SUGP2: variants seen among roughly 807,000 people sequenced by gnomAD.
The protein encoded by SUGP2 is SURP and G-patch domain containing 2.
Under a neutral mutation model 90.5 loss-of-function variants are expected in SUGP2, and 24 were observed. That is an observed-to-expected ratio of 0.27 (90% confidence interval 0.19 to 0.37). The LOEUF (loss-of-function observed/expected upper bound fraction) is 0.37. SUGP2 is among the 10% of genes least tolerant of loss of function. The probability of loss-of-function intolerance (pLI) is 1.00; values close to 1 mark genes in which losing one functional copy is unlikely to be tolerated. For synonymous variants in SUGP2, 473 were observed against 513.4 expected (o/e 0.92, Z 1.06); for missense variants, 1,233 against 1,363.3 (o/e 0.90, Z 1.51).
intron 3 of SUGP2, 50 bp from the exon 4 acceptor site, chr19:19,019,279 T>C (rs1326475525): frequency 1.9e-6 from 3 of 1,580,226 alleles, no homozygotes; most frequent in Admixed American, 1.7e-5. Context: ...ATGTGGGCTC[T>C]GAGAAGACGA....
At chr19:19,031,151 T>C (rs756539951) in intron 1 of SUGP2, 69 bp from the exon 2 acceptor site, 192 of 1,531,062 alleles carry the variant, frequency 1.3e-4, no homozygotes, top group Non-Finnish European at 1.6e-4. Context: ...CTCATACCTG[T>C]AATCCTGGCA....
chr19:19,020,925 C>T (rs977404509), intron 3 of SUGP2, among the ~76,000 whole-genome samples: 2 of 151,712 alleles, frequency 1.3e-5, no homozygotes, highest in East Asian at 1.9e-4. Context: ...TTTGGGAGGC[C>T]GAGGCGGGTG....
intron 3 of SUGP2, among the ~76,000 whole-genome samples, chr19:19,020,790 T>C (rs1471570303): frequency 2.6e-5 from 4 of 151,916 alleles, no homozygotes; most frequent in African/African-American, 7.2e-5. Context: ...AAATTTACAA[T>C]GCTGCCAGCA....
chr19:19,004,286 A>G lies in SUGP2; in HGVS notation c.2811T>C (p.Pro937=), dbSNP rs758098406. Residue 937 remains proline, a synonymous_variant, in exon 7 of 11, where the codon CCT becomes CCC. Transcript: ENST00000452918. The part of the protein sequence containing the change: ...EAAEDDLAGA[P]ALSQASSGTC... ...TACCTGAGGAGGCCTGTGACAAGGC[A>G]GGTGCTCCAGCCAGGTCGTCCTCGG... 6.2e-7 allele frequency: 1 copy of G among 1,613,932 alleles called. No individual in the cohort carries two copies. Among genetic ancestry groups the G allele is most frequent in the Non-Finnish European group, 8.5e-7 (1 of 1,179,828 alleles).
chr19:19,009,822 G>A, intron 5 of SUGP2, 33 bp downstream of exon 5: 1 of 1,564,620 alleles, frequency 6.4e-7, no homozygotes, highest in Non-Finnish European at 8.7e-7. Flanking sequence ...AGGGACTGGG[G>A]CCCAGAGGAG....
chr19:19,023,413 G>C (rs927925318), intron 3 of SUGP2, among the ~76,000 whole-genome samples: 7 of 152,212 alleles, frequency 4.6e-5, no homozygotes, highest in South Asian at 4.1e-4. Flanking sequence ...CTGCAGCCTT[G>C]AACTCCTGGC....
intron 4 of SUGP2, among the ~76,000 whole-genome samples, chr19:19,017,121 G>A (rs1390496053): frequency 6.6e-6 from 1 of 152,182 alleles, no homozygotes; most frequent in East Asian, 1.9e-4. Context: ...GGAGGTCAAG[G>A]CTGCAGTGGG....
chr19:19,033,526 G>A, upstream of SUGP2: 1 of 1,397,050 alleles, frequency 7.2e-7, no homozygotes, highest in Non-Finnish European at 9.3e-7. Flanking sequence ...ACATGCAAAT[G>A]AACCAACGGT....
intron 4 of SUGP2, among the ~76,000 whole-genome samples, chr19:19,012,613 C>T (rs1028842261): frequency 6.6e-6 from 1 of 152,218 alleles, no homozygotes; most frequent in Admixed American, 6.5e-5. Context: ...GCAGTAGCTA[C>T]TTCATCATAC....
chr19:19,033,309 G>A (rs1221503779), intron 1 of SUGP2, 128 bp downstream of exon 1: 11 of 1,043,130 alleles, frequency 1.1e-5, no homozygotes, highest in Non-Finnish European at 1.2e-5. Context: ...GCGGGGACGC[G>A]GCCGCCGCCG....
intron 4 of SUGP2, among the ~76,000 whole-genome samples, chr19:19,015,656 A>C (rs2058472851): frequency 6.6e-6 from 1 of 152,124 alleles, no homozygotes; most frequent in African/African-American, 2.4e-5. Context: ...GGCGCCTGTC[A>C]CCATGCCCAG....
Position 18,994,453 on chromosome 19 carries a change from A to G in SUGP2, c.3162T>C (p.Ala1054=). ...TGTCTTCTTTGTGCTCCTGCCCGTC[A>G]GCACCCAACCCTTCCCCTTCCGAGG... is the stretch of plus-strand genomic sequence containing the variant. ...GTPSEGEGLG[A]DGQEHKEDTF... The change falls in exon 10 of 11, where the codon GCT becomes GCC. Residue 1054 remains alanine, a synonymous_variant. Transcript: ENST00000452918. 1 of 1,614,200 alleles carries G rather than the reference A, an allele frequency of 6.2e-7. No homozygotes were observed. The highest frequency in any genetic ancestry group is 1.1e-5 in the South Asian group (1 of 91,088).
rs181885161 is a variant in SUGP2 at position 18,998,762 on chromosome 19, A to C, written c.2991+2851T>G. On this transcript the variant is annotated intron_variant, in intron 8 of 10. Coordinates refer to ENST00000452918, the MANE Select transcript of SUGP2 (RefSeq NM_001017392.5). ...TCTCTGCAGGGCAGTTAAGGAGGGGAGGTATGAAGGGAGGAGCTATGCTAT... is the reference window on the plus strand; with the variant it reads ...TCTCTGCAGGGCAGTTAAGGAGGGGCGGTATGAAGGGAGGAGCTATGCTAT... 2.8e-3 allele frequency among the ~76,000 whole-genome samples: 427 copies of C among 151,414 alleles called. 2 individuals carry two copies. The highest frequency in any genetic ancestry group is 4.7e-3 in the Non-Finnish European group (320 of 67,876).
chr19:19,008,561 T>G (rs1187308554), intron 5 of SUGP2, 133 bp from the exon 6 acceptor site: 1 of 726,510 alleles, frequency 1.4e-6, no homozygotes, highest in African/African-American at 1.8e-5. Context: ...CTTCGTCACA[T>G]GTGGACCCTT....
intron 4 of SUGP2, among the ~76,000 whole-genome samples, chr19:19,015,772 T>C (rs1193109626): frequency 6.6e-6 from 1 of 152,196 alleles, no homozygotes; most frequent in African/African-American, 2.4e-5. Flanking sequence ...CCCAAAGTGT[T>C]GGGATTACAG....
At position 19,033,447 on chromosome 19, in the gene SUGP2, C is replaced by T; in HGVS notation, c.-22G>A. On this transcript the variant is annotated 5_prime_UTR_variant, in exon 1 of 11. The change creates a new upstream start codon in the 5' untranslated region. Coordinates refer to ENST00000452918, the MANE Select transcript of SUGP2 (RefSeq NM_001017392.5). ...GGGCCCGGGCCTCACCCCGAGACCA[C>T]CGCGCGCGGAGCCACCCCCGCCGCC... 7.2e-7 allele frequency: 1 copy of T among 1,393,172 alleles called. No individual in the cohort carries two copies. Among genetic ancestry groups the T allele is most frequent in the Non-Finnish European group, 9.3e-7 (1 of 1,072,928 alleles). 86.3% of individuals were successfully genotyped at this position (1,393,172 alleles called of 1,614,324 possible).
At chr19:19,001,466 A>C in intron 8 of SUGP2, 147 bp downstream of exon 8, 1 of 816,606 alleles carries the variant, frequency 1.2e-6, no homozygotes, top group Non-Finnish European at 2.0e-6. Context: ...AGCCCTCCCA[A>C]GAGAAAAGTC....
chr19:19,007,457 AT>A (rs769973555), intron 6 of SUGP2: 2,152 of 146,388 alleles, frequency 0.015, 40 homozygotes, highest in African/African-American at 0.046. Context: ...CCTAGAACAG[AT>A]TTTTTTTTTT....
rs545690134 is a variant in SUGP2, at chr19:19,004,401, T to A, written c.2696A>T (p.Asp899Val). 1.1e-5 allele frequency: 18 copies of A among 1,614,062 alleles called. No homozygotes were observed. Among genetic ancestry groups the A allele is most frequent in the South Asian group, 6.6e-5 (6 of 91,082 alleles). The change falls in exon 7 of 11, where the codon GAT becomes GTT. Residue 899 changes from aspartate (D) to valine (V), a missense_variant. This residue lies in a region of SUGP2 where 540 missense variants were observed against 542.6 expected (regional missense o/e 1.00). Transcript: ENST00000452918. ...GGGGGCCTCCTCTCCCCCATCCTCA[T>A]CGTCCTCGTCCTCCTCCTCAGGCAT... ...EVMPEEEDED[D>V]EDGGEEAPAP... is the part of the protein sequence containing the mutation.
Sources: allele counts gnomAD v4.1 joint callset (sites outside exome capture counted in the v4.1 genomes callset), GRCh38; gene constraint gnomAD v4.1.1; regional missense constraint gnomAD v4.1.1; transcripts MANE v1.5; gene names NCBI Gene and HGNC (gene_info 2026-07-23, HGNC 2026-07-21).